LAMA2: variants seen among roughly 807,000 people sequenced by gnomAD.
LAMA2 encodes the protein laminin subunit alpha 2.
LAMA2 carries 269 observed loss-of-function variants against 364.8 expected under a neutral mutation model. That is an observed-to-expected ratio of 0.74 (90% confidence interval 0.67 to 0.82). The LOEUF is 0.82. Among genes scored for constraint, LAMA2 ranks in the 40% least tolerant of loss-of-function variants. The pLI, the probability that LAMA2 is intolerant of heterozygous loss-of-function variation, is 0.00. For missense variants in LAMA2, 3,807 were observed against 3,873.2 expected (o/e 0.98, Z 0.45); for synonymous variants, 1,379 against 1,370.6 (o/e 1.01, Z -0.14).
At chr6:129,300,697 T>A in intron 21 of LAMA2, 39 bp from the exon 22 acceptor site, 1 of 1,609,658 alleles carries the variant, frequency 6.2e-7, no homozygotes, top group South Asian at 1.1e-5. Context: ...ATTTTTACTA[T>A]TTTTCCCCTT....
At chr6:129,005,624 C>G (rs1784403653) in intron 1 of LAMA2, among the ~76,000 whole-genome samples, 2 of 151,336 alleles carry the variant, frequency 1.3e-5, no homozygotes, top group East Asian at 1.9e-4. Flanking sequence ...TGTTGAGGGA[C>G]TATCACATTA....
At chr6:129,364,543 T>G (rs1024120214) in intron 32 of LAMA2, among the ~76,000 whole-genome samples, 6 of 152,178 alleles carry the variant, frequency 3.9e-5, no homozygotes, top group African/African-American at 1.4e-4. Context: ...AAACTAAAAA[T>G]ATACATGTTT....
chr6:129,464,248 A>G (rs1783418799), intron 49 of LAMA2, 42 bp from the exon 50 acceptor site: 1 of 1,558,670 alleles, frequency 6.4e-7, no homozygotes, highest in Admixed American at 1.7e-5. Context: ...TGACAGACTG[A>G]ATAGATATGA....
rs147349352 is a variant in LAMA2 at position 128,994,453 on chromosome 6, T to C, written c.113-55465T>C. 3.4e-3 allele frequency among the ~76,000 whole-genome samples: 515 copies of C among 152,358 alleles called. 2 individuals are homozygous for C. The highest frequency in any genetic ancestry group is 5.6e-3 in the Non-Finnish European group (378 of 68,020). ...GGGTCTGAAACACTACGAGTTCTTA[T>C]GGTACTTTGATTCAATATTTAGTTG... On this transcript the variant is annotated intron_variant, in intron 1 of 64. Transcript: ENST00000421865.
chr6:129,280,024 T>C (rs779126921), intron 17 of LAMA2, 37 bp from the exon 18 acceptor site: 2 of 1,368,512 alleles, frequency 1.5e-6, no homozygotes, highest in East Asian at 4.6e-5. Flanking sequence ...TATGTCCTTC[T>C]TCCTTGTCCC....
At position 129,311,278 on chromosome 6, in the gene LAMA2, C is replaced by T. The variant is rs373442526; in HGVS notation, c.3175-1583C>T. 6.6e-5 allele frequency among the ~76,000 whole-genome samples: 10 copies of T among 152,184 alleles called. No individual in the cohort carries two copies. The South Asian group carries it at 1.9e-3, about 28-fold the overall frequency. ...CTGGGACTACAGGCGTCCGCCACCA[C>T]GCCCGGCTAATTTTTTGTGTTTTTA... On this transcript the variant is annotated intron_variant, in intron 22 of 64. Transcript: ENST00000421865.
intron 54 of LAMA2, among the ~76,000 whole-genome samples, chr6:129,480,968 C>G (rs369051362): frequency 1.5e-5 from 1 of 67,288 alleles, no homozygotes; most frequent in Non-Finnish European, 2.7e-5. Flanking sequence ...ACAACAACAA[C>G]AAAAAAAGGT....
intron 2 of LAMA2, 96 bp downstream of exon 2, chr6:129,050,184 C>T (rs796330503): frequency 8.4e-7 from 1 of 1,186,436 alleles, no homozygotes. Context: ...GTTTGTAATA[C>T]TAAGAATTCC....
intron 1 of LAMA2, among the ~76,000 whole-genome samples, chr6:129,010,492 G>GA (rs1784699920): frequency 6.6e-6 from 1 of 152,168 alleles, no homozygotes; most frequent in South Asian, 2.1e-4. Flanking sequence ...CTCCTCAAGA[G>GA]AAAAGGGATT....
chr6:128,896,199 T>C (rs558685006), intron 1 of LAMA2, among the ~76,000 whole-genome samples: 3 of 152,184 alleles, frequency 2.0e-5, no homozygotes, highest in African/African-American at 7.2e-5. Flanking sequence ...ATTTTTGAGG[T>C]TTATGTGTAT....
At chr6:129,010,259 G>GA (rs1784683186) in intron 1 of LAMA2, among the ~76,000 whole-genome samples, 1 of 152,164 alleles carries the variant, frequency 6.6e-6, no homozygotes, top group African/African-American at 2.4e-5. Context: ...TACATGCACT[G>GA]AAAAGAAGAC....
intron 12 of LAMA2, among the ~76,000 whole-genome samples, chr6:129,210,715 T>G (rs1277965526): frequency 6.6e-6 from 1 of 152,164 alleles, no homozygotes; most frequent in African/African-American, 2.4e-5. Flanking sequence ...GAGGTTATAA[T>G]TTTTTAGCAA....
At chr6:129,206,120 G>GGAAA (rs1289363025) in intron 12 of LAMA2, among the ~76,000 whole-genome samples, 1 of 105,804 alleles carries the variant, frequency 9.5e-6, no homozygotes, top group East Asian at 2.8e-4. Context: ...AAGGAAGGAA[G>GGAAA]GAAGGAAGGA....
chr6:129,136,228 A>G (rs1327247314), intron 4 of LAMA2, among the ~76,000 whole-genome samples: 1 of 152,164 alleles, frequency 6.6e-6, no homozygotes, highest in East Asian at 1.9e-4. Flanking sequence ...ACCTAAGCTC[A>G]TCTTGAGTAA....
At chr6:129,394,465 G>A (rs1779496811) in intron 37 of LAMA2, among the ~76,000 whole-genome samples, 1 of 152,066 alleles carries the variant, frequency 6.6e-6, no homozygotes, top group Admixed American at 6.5e-5. Context: ...CCTCTTCTGG[G>A]ACTTAGCCTT....
intron 12 of LAMA2, among the ~76,000 whole-genome samples, chr6:129,222,588 C>T (rs1029519379): frequency 1.1e-4 from 16 of 145,052 alleles, no homozygotes; most frequent in Admixed American, 5.1e-4. Context: ...TGAGAATATG[C>T]GATGTTTAGT....
intron 18 of LAMA2, among the ~76,000 whole-genome samples, chr6:129,282,927 A>G (rs765349390): frequency 2.6e-5 from 4 of 152,102 alleles, no homozygotes; most frequent in African/African-American, 9.7e-5. Context: ...TCATTCAAAC[A>G]TGTAGCACAA....
chr6:129,166,948 G>A (rs1779779666), intron 9 of LAMA2, among the ~76,000 whole-genome samples: 1 of 151,798 alleles, frequency 6.6e-6, no homozygotes, highest in African/African-American at 2.4e-5. Context: ...AACTTTATAT[G>A]GACATTAAGA....
intron 9 of LAMA2, among the ~76,000 whole-genome samples, chr6:129,167,610 C>T (rs549603317): frequency 2.0e-5 from 3 of 152,038 alleles, no homozygotes; most frequent in East Asian, 3.9e-4. Flanking sequence ...TGGATAATGC[C>T]GCAATAAACA....
Sources: allele counts gnomAD v4.1 joint callset (sites outside exome capture counted in the v4.1 genomes callset), GRCh38; gene constraint gnomAD v4.1.1; transcripts MANE v1.5; gene names NCBI Gene and HGNC (gene_info 2026-07-23, HGNC 2026-07-21).